Variants in EEF2K observed in about 807,000 individuals in gnomAD.
The protein encoded by EEF2K is eukaryotic elongation factor 2 kinase.
Under a neutral mutation model 93.8 loss-of-function variants are expected in EEF2K, and 70 were observed. That is an observed-to-expected ratio of 0.75 (90% CI 0.62 to 0.91). The LOEUF is 0.91. Among genes scored for constraint, EEF2K ranks in the 40% least tolerant of loss-of-function variants. The probability of loss-of-function intolerance (pLI) is 0.00; values close to 1 mark genes in which losing one functional copy is unlikely to be tolerated. For synonymous variants in EEF2K, 376 were observed against 380.8 expected (o/e 0.99, Z 0.15); for missense variants, 935 against 972.9 (o/e 0.96, Z 0.52).
intron 1 of EEF2K, among the ~76,000 whole-genome samples, chr16:22,223,552 C>T (rs2047035592): frequency 6.6e-6 from 1 of 152,138 alleles, no homozygotes; most frequent in African/African-American, 2.4e-5. Flanking sequence ...AGGGGATCAA[C>T]TTCATTTTTT....
chr16:22,226,118 A>G (rs1162384649), intron 2 of EEF2K, 143 bp downstream of exon 2: 4 of 1,250,832 alleles, frequency 3.2e-6, no homozygotes, highest in Admixed American at 5.4e-5. Context: ...ATACTTGTTA[A>G]GCAGGGAGGG....
chr16:22,273,639 A>C lies in EEF2K; in HGVS notation c.1778A>C (p.Asn593Thr), dbSNP rs2047606874. The change falls in exon 16 of 18, where the codon AAC (asparagine) becomes ACC (threonine). Residue 593 changes from asparagine (N) to threonine (T), a missense_variant. Asn to Thr is a moderately conservative substitution (Grantham distance 65). Transcript: ENST00000263026. Reference sequence around the variant, plus strand: ...TTGTATCAACAGGAGACAGAAGAGAACAAAACCAAAGGATTTGATTACTTA... The same window carrying C: ...TTGTATCAACAGGAGACAGAAGAGACCAAAACCAAAGGATTTGATTACTTA... ...ADVSLKETEE[N>T]KTKGFDYLLK... 11 of 1,614,176 alleles carry C rather than the reference A, an allele frequency of 6.8e-6. 1 individual carries two copies. In the East Asian group the frequency reaches 2.5e-4, roughly 36 times the overall value.
intron 6 of EEF2K, among the ~76,000 whole-genome samples, chr16:22,253,474 G>C (rs1264124082): frequency 6.6e-6 from 1 of 152,000 alleles, no homozygotes; most frequent in Non-Finnish European, 1.5e-5. Flanking sequence ...CCACAAGCTT[G>C]TTCCTGCCCC....
Position 22,280,288 on chromosome 16 carries a change from G to C in EEF2K, c.1980G>C (p.Gln660His). 1 of 1,609,624 alleles carries C rather than the reference G, an allele frequency of 6.2e-7. No individual in the cohort carries two copies. Among genetic ancestry groups the C allele is most frequent in the Non-Finnish European group, 8.5e-7 (1 of 1,178,056 alleles). ...AGGGCGGTGAGTACGACGGAATGCA[G>C]GACGAGCCCCGGTACATGATGCTGG... Reference protein sequence around the residue: ...CDEGGEYDGMQDEPRYMMLAR... With the variant: ...CDEGGEYDGMHDEPRYMMLAR... Residue 660 changes from glutamine (Q) to histidine (H), a missense_variant, in exon 17 of 18, where the codon CAG becomes CAC. Gln to His is a conservative substitution (Grantham distance 24). Transcript: ENST00000263026.
At chr16:22,251,405 T>A in intron 6 of EEF2K, 83 bp downstream of exon 6, 1 of 1,433,312 alleles carries the variant, frequency 7.0e-7, no homozygotes. Context: ...GGTGAATCCC[T>A]ATTTCACCTT....
At chr16:22,208,244 GGGGCGT>G (rs1271082729) in intron 1 of EEF2K, among the ~76,000 whole-genome samples, 2 of 152,152 alleles carry the variant, frequency 1.3e-5, no homozygotes, top group African/African-American at 4.8e-5. Flanking sequence ...TTTTGGGCCA[GGGGCGT>G]GGTGGCTCAG....
intron 4 of EEF2K, among the ~76,000 whole-genome samples, chr16:22,249,095 A>G (rs1038668629): frequency 6.7e-6 from 1 of 149,926 alleles, no homozygotes; most frequent in African/African-American, 2.5e-5. Context: ...TTAGCCTCCC[A>G]AGTAGCCAGG....
chr16:22,269,458 C>CT (rs969594360), intron 15 of EEF2K, among the ~76,000 whole-genome samples: 1 of 151,314 alleles, frequency 6.6e-6, no homozygotes, highest in African/African-American at 2.4e-5. Flanking sequence ...CTGGAGTGCA[C>CT]TGGCAGGATC....
chr16:22,221,563 A>G (rs891963285), intron 1 of EEF2K, among the ~76,000 whole-genome samples: 5 of 152,146 alleles, frequency 3.3e-5, no homozygotes, highest in Non-Finnish European at 7.3e-5. Context: ...ATAAGCATGT[A>G]GTGGGTTAGG....
chr16:22,234,899 T>TTTTTA (rs1185430519), intron 2 of EEF2K, among the ~76,000 whole-genome samples: 1 of 145,412 alleles, frequency 6.9e-6, no homozygotes, highest in Admixed American at 7.0e-5. Context: ...TTTTTTTTTT[T>TTTTTA]AGGGGCGGTT....
chr16:22,284,186 T>C lies in EEF2K; in HGVS notation c.*190T>C, dbSNP rs1315668729. 5.0e-6 allele frequency: 3 copies of C among 596,814 alleles called. No individual in the cohort carries two copies. The highest frequency in any genetic ancestry group is 8.9e-6 in the Non-Finnish European group (3 of 337,044). The allele number at this position is 596,814 out of a possible 1,614,324, so 37.0% of individuals were successfully genotyped here. On this transcript the variant is annotated 3_prime_UTR_variant, in exon 18 of 18. Transcript: ENST00000263026. ...CCTTGGCAGCTACCAGCAGAGACTCTATAGCTGTCTCTTAGGGCAGTATTT... is the reference window on the plus strand; with the variant it reads ...CCTTGGCAGCTACCAGCAGAGACTCCATAGCTGTCTCTTAGGGCAGTATTT...
intron 8 of EEF2K, 66 bp from the exon 9 acceptor site, chr16:22,257,577 C>G (rs1321687087): frequency 6.3e-7 from 1 of 1,588,178 alleles, no homozygotes; most frequent in Non-Finnish European, 8.5e-7. Context: ...ATGTATGAGG[C>G]CCACCACTGC....
At chr16:22,256,271 A>G (rs1012454847) in intron 6 of EEF2K, among the ~76,000 whole-genome samples, 1 of 151,846 alleles carries the variant, frequency 6.6e-6, no homozygotes, top group Non-Finnish European at 1.5e-5. Flanking sequence ...CTAATTTTGT[A>G]TTTTTGGTAG....
At chr16:22,240,403 A>G (rs1475758573) in intron 2 of EEF2K, among the ~76,000 whole-genome samples, 1 of 152,104 alleles carries the variant, frequency 6.6e-6, no homozygotes, top group Non-Finnish European at 1.5e-5. Context: ...CTTGGGATAA[A>G]TTTTTTGGCA....
chr16:22,236,073 G>A (rs2047164911), intron 2 of EEF2K, among the ~76,000 whole-genome samples: 1 of 152,136 alleles, frequency 6.6e-6, no homozygotes, highest in South Asian at 2.1e-4. Context: ...AAATTGCTGG[G>A]ATCACAGGCA....
intron 6 of EEF2K, 124 bp downstream of exon 6, chr16:22,251,446 C>A: frequency 8.2e-7 from 1 of 1,223,652 alleles, no homozygotes; most frequent in Non-Finnish European, 1.1e-6. Context: ...TGAAGTCTTG[C>A]TCTGTCACCC....
chr16:22,239,464 C>T (rs1343563222), intron 2 of EEF2K, among the ~76,000 whole-genome samples: 1 of 152,182 alleles, frequency 6.6e-6, no homozygotes, highest in African/African-American at 2.4e-5. Context: ...AGGTCGAAGG[C>T]TGTCCCTGCC....
chr16:22,243,027 C>T (rs1475867469), intron 2 of EEF2K, among the ~76,000 whole-genome samples: 1 of 151,410 alleles, frequency 6.6e-6, no homozygotes, highest in East Asian at 2.0e-4. Flanking sequence ...CATGCCACTG[C>T]ACTCCGGCCT....
intron 5 of EEF2K, 25 bp downstream of exon 5, chr16:22,250,716 G>A: frequency 1.9e-6 from 3 of 1,614,094 alleles, no homozygotes; most frequent in Non-Finnish European, 2.5e-6. Flanking sequence ...CTGGCTCTTG[G>A]GGCCCTGCCC....
Sources: allele counts gnomAD v4.1 joint callset (sites outside exome capture counted in the v4.1 genomes callset), GRCh38; gene constraint gnomAD v4.1.1; transcripts MANE v1.5; gene names NCBI Gene and HGNC (gene_info 2026-07-23, HGNC 2026-07-21).